NLN: variants seen among roughly 807,000 people sequenced by gnomAD.
The protein encoded by NLN is neurolysin, mitochondrial.
NLN carries 64 observed loss-of-function variants against 79.9 expected under a neutral mutation model. The observed-to-expected ratio is 0.80, with a 90% confidence interval of 0.65 to 0.99. NLN has a LOEUF of 0.99. NLN is among the 50% of genes least tolerant of loss of function. The probability of loss-of-function intolerance (pLI) is 0.00; values close to 1 mark genes in which losing one functional copy is unlikely to be tolerated. For missense variants in NLN, 835 were observed against 858.7 expected (o/e 0.97, Z 0.34); for synonymous variants, 267 against 296.6 (o/e 0.90, Z 1.02).
intron 9 of NLN, among the ~76,000 whole-genome samples, chr5:65,799,213 A>AC (rs1760230719): frequency 6.6e-6 from 1 of 152,190 alleles, no homozygotes; most frequent in African/African-American, 2.4e-5. Context: ...AGAATTATTG[A>AC]CTATGTGTCT....
At chr5:65,820,820 TCA>T (rs1760776891) in intron 12 of NLN, among the ~76,000 whole-genome samples, 4 of 151,790 alleles carry the variant, frequency 2.6e-5, no homozygotes, top group Non-Finnish European at 2.9e-5. Context: ...GGCAGGCAGA[TCA>T]CTTGAGGCCA....
chr5:65,791,927 G>A (rs1760070432), intron 8 of NLN, among the ~76,000 whole-genome samples: 1 of 152,122 alleles, frequency 6.6e-6, no homozygotes, highest in Admixed American at 6.5e-5. Flanking sequence ...CTAACTAAAA[G>A]CATTCTGTTT....
Position 65,824,184 on chromosome 5 carries a change from CA to C in NLN, c.*1270del, listed in dbSNP as rs1395633026. 7 of 152,048 alleles carry C rather than the reference CA, an allele frequency of 4.6e-5. No homozygotes were observed. In the East Asian group the frequency reaches 1.3e-3, roughly 29 times the overall value. 9.4% of individuals were successfully genotyped at this position (152,048 alleles called of 1,614,324 possible). A position where few individuals can be genotyped will look rare whatever the true frequency, so the allele number is the denominator to read the frequency against. ...TTTGAATTCCCCTGCCTAGGTCTTC[CA>C]GTTGTTTTCCAGCGCATACCTCAGG... On this transcript the variant is annotated 3_prime_UTR_variant, in exon 13 of 13. Transcript: ENST00000380985.
At chr5:65,803,386 G>A (rs1281877005) in intron 9 of NLN, among the ~76,000 whole-genome samples, 2 of 152,216 alleles carry the variant, frequency 1.3e-5, no homozygotes, top group Non-Finnish European at 2.9e-5. Flanking sequence ...TTCAGTAGGG[G>A]CTGAGGCAGC....
At chr5:65,738,521 C>T (rs1326361028) in intron 1 of NLN, among the ~76,000 whole-genome samples, 2 of 151,854 alleles carry the variant, frequency 1.3e-5, no homozygotes, top group Non-Finnish European at 1.5e-5. Flanking sequence ...TGCAGTGAGC[C>T]GTGATTGCGC....
rs746306053 is a variant in NLN, at chr5:65,785,909, A to G, written c.957A>G (p.Leu319=). The change falls in exon 7 of 13, where the codon CTA becomes CTG. Residue 319 remains leucine (L), a splice_region_variant and synonymous_variant. Transcript: ENST00000380985. The part of the protein sequence containing the change: ...AKSTSRVTAF[L]DDLSQKLKPL... ...GCACAAGCCGCGTAACAGCCTTTCT[A>G]GGTTAGTTCTTTTTTTTTTTTCTAT... The G allele has an allele frequency of 1.9e-6, 3 of 1,605,174 alleles. No homozygotes were observed. The Admixed American group carries it at 5.1e-5, about 27-fold the overall frequency.
At position 65,812,385 on chromosome 5, in the gene NLN, T is replaced by A; in HGVS notation, c.1974T>A (p.Asn658Lys). ...YSCFKKEGIM[N>K]PEVGMKYRNL... ...GTTTTAAAAAAGAAGGGATAATGAA[T>A]CCAGAGGTATAGTATTATTTTTCTC... is the stretch of plus-strand genomic sequence containing the variant. The change falls in exon 12 of 13, where the codon AAT becomes AAA. Residue 658 changes from asparagine to lysine, a missense_variant. Transcript: ENST00000380985. 1.3e-6 allele frequency: 2 copies of A among 1,524,542 alleles called. No individual in the cohort carries two copies. The highest frequency in any genetic ancestry group is 1.8e-6 in the Non-Finnish European group (2 of 1,100,164). The allele number at this position is 1,524,542 out of a possible 1,614,324, so 94.4% of individuals were successfully genotyped here.
intron 3 of NLN, among the ~76,000 whole-genome samples, chr5:65,765,333 C>T (rs1759429182): frequency 1.3e-5 from 2 of 152,104 alleles, no homozygotes; most frequent in South Asian, 4.1e-4. Context: ...GCCTGGTCAA[C>T]ATGGTGAAAC....
At chr5:65,820,499 A>G (rs1018966013) in intron 12 of NLN, among the ~76,000 whole-genome samples, 4 of 152,162 alleles carry the variant, frequency 2.6e-5, no homozygotes, top group African/African-American at 7.2e-5. Flanking sequence ...CAGTCTTTCC[A>G]TGCTCCTCCC....
chr5:65,759,440 A>G (rs1759294564), intron 2 of NLN, among the ~76,000 whole-genome samples: 1 of 151,880 alleles, frequency 6.6e-6, no homozygotes, highest in Non-Finnish European at 1.5e-5. Context: ...ATATATAAAC[A>G]TATGTATGTG....
chr5:65,768,008 G>T (rs1759488973), intron 3 of NLN, among the ~76,000 whole-genome samples: 1 of 152,118 alleles, frequency 6.6e-6, no homozygotes, highest in Non-Finnish European at 1.5e-5. Flanking sequence ...ATCATTATCA[G>T]CATTTTTGGT....
chr5:65,760,598 G>A (rs1006940957), intron 2 of NLN, among the ~76,000 whole-genome samples: 3 of 152,122 alleles, frequency 2.0e-5, no homozygotes, highest in South Asian at 2.1e-4. Context: ...CTGCAGCCTC[G>A]AACTCTTGGG....
At chr5:65,757,317 G>C (rs1344278459) in intron 1 of NLN, among the ~76,000 whole-genome samples, 1 of 152,186 alleles carries the variant, frequency 6.6e-6, no homozygotes, top group Non-Finnish European at 1.5e-5. Flanking sequence ...GCTTAGCATA[G>C]TGGTTAAGAG....
chr5:65,828,492 T>G lies in NLN; in HGVS notation c.*5577T>G, dbSNP rs771509580. ...ATAATTCAGAAATACAGATGATAAT[T>G]GTTTTCAAATTCTTGAAGGAAATGG... On this transcript the variant is annotated 3_prime_UTR_variant, in exon 13 of 13. Coordinates refer to ENST00000380985, the MANE Select transcript of NLN (RefSeq NM_020726.5). The G allele has an allele frequency of 4.6e-5, 7 of 152,208 alleles. No individual in the cohort carries two copies. The highest frequency in any genetic ancestry group is 7.3e-5 in the Non-Finnish European group (5 of 68,036). 9.4% of individuals were successfully genotyped at this position (152,208 alleles called of 1,614,324 possible). A position where few individuals can be genotyped will look rare whatever the true frequency, so the allele number is the denominator to read the frequency against.
intron 9 of NLN, among the ~76,000 whole-genome samples, chr5:65,804,963 C>G (rs1760379276): frequency 6.6e-6 from 1 of 152,172 alleles, no homozygotes; most frequent in East Asian, 1.9e-4. Context: ...AGAATGTGCT[C>G]CCTTCATGTC....
intron 1 of NLN, among the ~76,000 whole-genome samples, chr5:65,732,777 C>A (rs1161434530): frequency 1.2e-3 from 163 of 139,490 alleles, no homozygotes; most frequent in South Asian, 2.5e-3. Context: ...CTGAAAGATG[C>A]AGTAAAGAGG....
In NLN at chr5:65,785,785, T is replaced by C; in HGVS notation, c.833T>C (p.Ile278Thr). Residue 278 changes from isoleucine to threonine, a missense_variant, in exon 7 of 13, where the codon ATA (isoleucine) becomes ACA (threonine). By Grantham distance (89) the Ile-to-Thr change is moderately conservative. Transcript: ENST00000380985. ...GTTGTTTATTACTAGGAAAACACCA[T>C]AATTTTGCAGCAGCTACTCCCACTG... The part of the protein sequence containing the change: ...FNTRCKEENT[I>T]ILQQLLPLRT... 3 of 1,613,676 alleles carry C rather than the reference T, an allele frequency of 1.9e-6. No individual in the cohort carries two copies. The highest frequency in any genetic ancestry group is 2.5e-6 in the Non-Finnish European group (3 of 1,179,696).
intron 9 of NLN, among the ~76,000 whole-genome samples, chr5:65,795,241 G>A (rs10037028): frequency 0.14 from 21,759 of 152,076 alleles, 1,769 homozygotes; most frequent in African/African-American, 0.22. Context: ...GGCTTTGCAA[G>A]GCTAGGCATG....
At chr5:65,771,405 A>G (rs1203569199) in intron 3 of NLN, among the ~76,000 whole-genome samples, 5 of 152,250 alleles carry the variant, frequency 3.3e-5, no homozygotes, top group African/African-American at 4.8e-5. Context: ...TTCATGTCAA[A>G]ACAATCAGGC....
Sources: allele counts gnomAD v4.1 joint callset (sites outside exome capture counted in the v4.1 genomes callset), GRCh38; gene constraint gnomAD v4.1.1; transcripts MANE v1.5; gene names NCBI Gene and HGNC (gene_info 2026-07-23, HGNC 2026-07-21).